Variants in FHIP1A observed in about 807,000 individuals in gnomAD.
The protein encoded by FHIP1A is FHF complex subunit HOOK-interacting protein 1A.
In FHIP1A, 61 loss-of-function variants were observed where a neutral mutation model predicts 88.6. The ratio of observed to expected loss-of-function variants is 0.69; its 90% confidence interval spans 0.56 to 0.85. The LOEUF (loss-of-function observed/expected upper bound fraction) is 0.85, where lower values mean the gene tolerates loss of function less well. Among genes scored for constraint, FHIP1A ranks in the 40% least tolerant of loss-of-function variants. FHIP1A has a pLI of 0.00. For missense variants in FHIP1A, 1,154 were observed against 1,273.5 expected, an observed-to-expected ratio of 0.91 and a Z score of 1.43; for synonymous variants, 478 against 496.0, an observed-to-expected ratio of 0.96 and a Z score of 0.48.
intron 2 of FHIP1A, among the ~76,000 whole-genome samples, chr4:151,481,490 C>T (rs571404918): frequency 1.3e-5 from 2 of 151,774 alleles, no homozygotes; most frequent in Non-Finnish European, 1.5e-5. Flanking sequence ...GCATTTAAAT[C>T]GTTTCCATGT....
intron 11 of FHIP1A, among the ~76,000 whole-genome samples, chr4:151,651,591 G>A (rs1013714832): frequency 4.6e-5 from 7 of 152,348 alleles, no homozygotes; most frequent in Middle Eastern, 6.8e-3. Context: ...GACTGAATGA[G>A]ATACTGGGAG....
chr4:151,520,479 TGGA>T (rs1226748068), intron 3 of FHIP1A, among the ~76,000 whole-genome samples: 1 of 152,192 alleles, frequency 6.6e-6, no homozygotes, highest in Non-Finnish European at 1.5e-5. Flanking sequence ...ATAAATCATA[TGGA>T]ATCACTTTGC....
intron 1 of FHIP1A, among the ~76,000 whole-genome samples, chr4:151,428,928 A>G (rs893528703): frequency 3.9e-5 from 6 of 152,168 alleles, no homozygotes; most frequent in African/African-American, 1.4e-4. Context: ...TTCCTTAGGG[A>G]AGTCTTTACC....
chr4:151,580,350 G>A (rs936836126), intron 5 of FHIP1A, among the ~76,000 whole-genome samples: 1 of 152,076 alleles, frequency 6.6e-6, no homozygotes, highest in South Asian at 2.1e-4. Flanking sequence ...AATATTTTTG[G>A]CAAGGTTACT....
At chr4:151,601,750 G>A (rs1352249252) in intron 7 of FHIP1A, among the ~76,000 whole-genome samples, 1 of 151,602 alleles carries the variant, frequency 6.6e-6, no homozygotes, top group East Asian at 1.9e-4. Context: ...TGGCTCTTTT[G>A]TTTACTACTG....
At chr4:151,505,489 C>T (rs373324578) in intron 3 of FHIP1A, among the ~76,000 whole-genome samples, 3 of 152,200 alleles carry the variant, frequency 2.0e-5, no homozygotes, top group South Asian at 4.2e-4. Context: ...GTGAAGTGGC[C>T]ATTTATTCCA....
At chr4:151,503,330 C>A (rs189311569) in intron 3 of FHIP1A, among the ~76,000 whole-genome samples, 1 of 152,206 alleles carries the variant, frequency 6.6e-6, no homozygotes. Context: ...CTGGCGCCAT[C>A]ATGGGCAGAA....
At chr4:151,496,952 T>C (rs1417730962) in intron 3 of FHIP1A, among the ~76,000 whole-genome samples, 1 of 151,700 alleles carries the variant, frequency 6.6e-6, no homozygotes, top group African/African-American at 2.4e-5. Flanking sequence ...AAAAGAAACA[T>C]ATAAATATAA....
At chr4:151,585,934 A>G (rs908810423) in intron 5 of FHIP1A, among the ~76,000 whole-genome samples, 2 of 152,034 alleles carry the variant, frequency 1.3e-5, no homozygotes, top group Admixed American at 6.6e-5. Context: ...CTCTTTTCCT[A>G]GTGCTGATGC....
At chr4:151,581,573 C>T (rs185360570) in intron 5 of FHIP1A, among the ~76,000 whole-genome samples, 12 of 152,172 alleles carry the variant, frequency 7.9e-5, no homozygotes. Flanking sequence ...ACAACATCTC[C>T]AGCTGACCTT....
In FHIP1A at chr4:151,649,477, T is replaced by G. The variant is rs1346832741; in HGVS notation, c.1436T>G (p.Phe479Cys). 6.5e-7 allele frequency: 1 copy of G among 1,549,834 alleles called. No individual in the cohort carries two copies. Among genetic ancestry groups the G allele is most frequent in the African/African-American group, 1.4e-5 (1 of 73,034 alleles). Reference protein sequence around the residue: ...HDTSGPVERPFPEAFSESACI... With the variant: ...HDTSGPVERPCPEAFSESACI... ...TGTGCAGGGCCTGTGGAGCGGCCAT[T>G]CCCCGAAGCGTTCTCCGAGTCAGCC... Residue 479 changes from phenylalanine (F) to cysteine (C), a missense_variant, in exon 11 of 14, where the codon TTC (phenylalanine) becomes TGC (cysteine). By Grantham distance (205) the Phe-to-Cys change is radical. Coordinates refer to ENST00000435205, the MANE Select transcript of FHIP1A (RefSeq NM_001109977.3).
At chr4:151,586,135 A>C (rs1266840358) in intron 5 of FHIP1A, among the ~76,000 whole-genome samples, 1 of 152,132 alleles carries the variant, frequency 6.6e-6, no homozygotes, top group African/African-American at 2.4e-5. Context: ...AATTGCATGG[A>C]ATCTTTCCCA....
intron 3 of FHIP1A, among the ~76,000 whole-genome samples, chr4:151,528,503 G>A (rs1248972745): frequency 1.3e-5 from 2 of 152,186 alleles, no homozygotes; most frequent in Admixed American, 1.3e-4. Context: ...ATGATACATG[G>A]AAAGGGACCC....
chr4:151,549,803 G>A (rs1053777238), intron 3 of FHIP1A, among the ~76,000 whole-genome samples: 1 of 151,984 alleles, frequency 6.6e-6, no homozygotes, highest in Non-Finnish European at 1.5e-5. Context: ...CCCCTTTCTG[G>A]TAAGTTTCCT....
chr4:151,653,301 C>T lies in FHIP1A; in HGVS notation c.2551+2709C>T, dbSNP rs1193569597. ...TGAGACAGCTCTGTATGTGTTGACA[C>T]GAGGTGTGGTCTCTAGGGTGTATTG... On this transcript the variant is annotated intron_variant, in intron 11 of 13. Transcript: ENST00000435205. Among the ~76,000 whole-genome samples, 7 of 152,000 alleles carry T rather than the reference C, an allele frequency of 4.6e-5. No individual in the cohort carries two copies. The South Asian group carries it at 6.2e-4, about 14-fold the overall frequency.
At chr4:151,565,825 C>A (rs946828841) in intron 3 of FHIP1A, among the ~76,000 whole-genome samples, 2 of 151,890 alleles carry the variant, frequency 1.3e-5, no homozygotes. Context: ...TTACTTGATT[C>A]TAGGAACTAG....
At chr4:151,556,722 G>A (rs1732960420) in intron 3 of FHIP1A, among the ~76,000 whole-genome samples, 1 of 152,068 alleles carries the variant, frequency 6.6e-6, no homozygotes, top group Non-Finnish European at 1.5e-5. Flanking sequence ...ATGGAGAGAG[G>A]GAAGACAATC....
At chr4:151,529,935 C>G (rs2126710220) in intron 3 of FHIP1A, among the ~76,000 whole-genome samples, 2 of 152,264 alleles carry the variant, frequency 1.3e-5, no homozygotes, top group South Asian at 4.1e-4. Flanking sequence ...ACTTCACGAA[C>G]AGTACTGGCC....
chr4:151,586,859 A>G, intron 6 of FHIP1A, 60 bp downstream of exon 6: 2 of 1,271,562 alleles, frequency 1.6e-6, no homozygotes, highest in Non-Finnish European at 2.1e-6. Context: ...CAAGCACTGC[A>G]AAGGATTAAT....
Sources: allele counts gnomAD v4.1 joint callset (sites outside exome capture counted in the v4.1 genomes callset), GRCh38; gene constraint gnomAD v4.1.1; transcripts MANE v1.5; gene names NCBI Gene and HGNC (gene_info 2026-07-23, HGNC 2026-07-21).